The following AHCY variants were observed in gnomAD, a reference collection of about 807,000 sequenced individuals.
AHCY encodes adenosylhomocysteinase, also known as S-adenosyl-L-homocysteine hydrolase.
A neutral mutation model predicts 45.4 loss-of-function variants in AHCY; 24 were observed. The ratio of observed to expected loss-of-function variants is 0.53; its 90% confidence interval spans 0.38 to 0.74. AHCY has a LOEUF of 0.74. Among genes scored for constraint, AHCY ranks in the 30% least tolerant of loss-of-function variants. The pLI is 0.00. For synonymous variants in AHCY, 245 were observed against 235.1 expected, an observed-to-expected ratio of 1.04 and a Z score of -0.39; for missense variants, 449 against 594.1, an observed-to-expected ratio of 0.76 and a Z score of 2.54.
At chr20:34,264,645 C>T in the AHCY span, among the ~76,000 whole-genome samples, 2 of 152,074 alleles carry the variant, frequency 1.3e-5, no homozygotes, top group African/African-American at 4.8e-5. Flanking sequence ...GACAATACAT[C>T]TTGTAAACAG....
the AHCY span, among the ~76,000 whole-genome samples, chr20:34,237,108 G>T: frequency 6.6e-6 from 1 of 152,024 alleles, no homozygotes. Context: ...CTTTATGCAA[G>T]TACCACACTG....
At chr20:34,257,909 C>A in the AHCY span, among the ~76,000 whole-genome samples, 1 of 152,132 alleles carries the variant, frequency 6.6e-6, no homozygotes, top group African/African-American at 2.4e-5. Flanking sequence ...TTTGGGAAGC[C>A]AAGGCAGGCA....
the AHCY span, among the ~76,000 whole-genome samples, chr20:34,253,138 C>T: frequency 3.6e-3 from 539 of 151,226 alleles, 6 homozygotes; most frequent in African/African-American, 0.012. Context: ...GACGAAGTCT[C>T]GCTCTGTTGC....
At chr20:34,288,428 T>A (rs2036258852) in intron 8 of AHCY, among the ~76,000 whole-genome samples, 1 of 152,168 alleles carries the variant, frequency 6.6e-6, no homozygotes, top group South Asian at 2.1e-4. Context: ...ACGCCTATAA[T>A]CCCAGCACTT....
At chr20:34,303,356 A>T, upstream of AHCY, 1 of 1,535,402 alleles carries the variant, frequency 6.5e-7, no homozygotes, top group South Asian at 1.2e-5. Flanking sequence ...CCGAGCAGGG[A>T]TATGCGCGTG....
chr20:34,280,078 CGA>C (rs1278915399), downstream of AHCY, among the ~76,000 whole-genome samples: 3 of 151,984 alleles, frequency 2.0e-5, no homozygotes, highest in African/African-American at 7.3e-5. Context: ...GGTGACGGAG[CGA>C]GACTCTGTCT....
chr20:34,255,823 GACCT>G, the AHCY span, among the ~76,000 whole-genome samples: 1 of 152,186 alleles, frequency 6.6e-6, no homozygotes, highest in Non-Finnish European at 1.5e-5. Flanking sequence ...TTACCTAGTG[GACCT>G]TGGTCTAGTG....
chr20:34,285,712 C>G, intron 8 of AHCY, 78 bp from the exon 9 acceptor site: 1 of 1,537,170 alleles, frequency 6.5e-7, no homozygotes, highest in East Asian at 2.3e-5. Flanking sequence ...GCAGGCCTCT[C>G]TGCCTCCAAC....
the AHCY span, chr20:34,234,834 A>C: frequency 6.6e-6 from 1 of 152,150 alleles, no homozygotes; most frequent in Non-Finnish European, 1.5e-5. Context: ...AAACAACAAC[A>C]AACAGTTTAC....
intron 1 of AHCY, among the ~76,000 whole-genome samples, chr20:34,300,482 C>T (rs2036731550): frequency 6.6e-6 from 1 of 151,914 alleles, no homozygotes; most frequent in Non-Finnish European, 1.5e-5. Context: ...TCCTGACTGA[C>T]TTCAGGCAAG....
chr20:34,277,630 C>CT (rs1318036274), downstream of AHCY, among the ~76,000 whole-genome samples: 1 of 151,864 alleles, frequency 6.6e-6, no homozygotes, highest in Non-Finnish European at 1.5e-5. Flanking sequence ...TGGCGGGCGC[C>CT]TGTAGTCCCA....
chr20:34,291,052 C>T (rs929895294), intron 5 of AHCY, 114 bp from the exon 6 acceptor site: 23 of 1,048,456 alleles, frequency 2.2e-5, no homozygotes, highest in South Asian at 4.4e-5. Context: ...CCAAGCATCC[C>T]GGCCTGGGCT....
At chr20:34,235,749 C>G in the AHCY span, among the ~76,000 whole-genome samples, 1 of 146,254 alleles carries the variant, frequency 6.8e-6, no homozygotes, top group African/African-American at 2.6e-5. Flanking sequence ...AATGCCACTG[C>G]ACTCCAGCCT....
Position 34,292,342 on chromosome 20 carries a change from G to A in AHCY, c.445+16C>T. On this transcript the variant is annotated intron_variant, in intron 4 of 9. Coordinates refer to ENST00000217426, the MANE Select transcript of AHCY (RefSeq NM_000687.4). ...CAGGCCACCAGCACCCAGCCCACCT[G>A]CCCCGCCCTGCTCACCTGGCAGAAG... 1.2e-6 allele frequency: 2 copies of A among 1,611,680 alleles called. No homozygotes were observed. The highest frequency in any genetic ancestry group is 1.7e-6 in the Non-Finnish European group (2 of 1,179,534).
the AHCY span, among the ~76,000 whole-genome samples, chr20:34,242,010 G>T: frequency 7.2e-5 from 11 of 151,994 alleles, no homozygotes; most frequent in Non-Finnish European, 1.5e-4. Context: ...TTTCTGAATG[G>T]ATATCCATAT....
chr20:34,262,965 C>A, the AHCY span: 2 of 1,550,746 alleles, frequency 1.3e-6, no homozygotes, highest in South Asian at 1.1e-5. Flanking sequence ...GGACCCCCAA[C>A]CTCTGGCTAG....
upstream of AHCY, among the ~76,000 whole-genome samples, chr20:34,304,877 G>A (rs929526355): frequency 1.2e-4 from 18 of 151,716 alleles, no homozygotes; most frequent in East Asian, 1.2e-3. Context: ...TAGTAGAGAC[G>A]GGGTTTCTCC....
At chr20:34,236,086 G>A in the AHCY span, among the ~76,000 whole-genome samples, 4 of 118,224 alleles carry the variant, frequency 3.4e-5, no homozygotes, top group African/African-American at 1.3e-4. Context: ...GAAAGAGAAG[G>A]AAGGAAGGAA....
At chr20:34,250,253 G>A in the AHCY span, 1 of 152,228 alleles carries the variant, frequency 6.6e-6, no homozygotes, top group African/African-American at 2.4e-5. Context: ...CAAAGCCCAG[G>A]GCAGGCTGTC....
Sources: allele counts gnomAD v4.1 joint callset (sites outside exome capture counted in the v4.1 genomes callset), GRCh38; gene constraint gnomAD v4.1.1; transcripts MANE v1.5; gene names NCBI Gene and HGNC (gene_info 2026-07-23, HGNC 2026-07-21).